Variants in CNBD1 observed in about 807,000 individuals in gnomAD.
The protein encoded by CNBD1 is cyclic nucleotide binding domain containing 1.
Under a neutral mutation model 54.4 loss-of-function variants are expected in CNBD1, and 71 were observed. The ratio of observed to expected loss-of-function variants is 1.30; its 90% CI spans 1.08 to 1.59. The LOEUF (loss-of-function observed/expected upper bound fraction) is 1.59, where lower values mean the gene tolerates loss of function less well. Among genes scored for constraint, CNBD1 ranks in the 40% most tolerant of loss-of-function variants. The pLI, the probability that CNBD1 is intolerant of heterozygous loss-of-function variation, is 0.00. For missense variants in CNBD1, 659 were observed against 518.0 expected, an observed-to-expected ratio of 1.27 and a Z score of -2.64; for synonymous variants, 182 against 170.7, an observed-to-expected ratio of 1.07 and a Z score of -0.51.
At chr8:87,416,084 A>G (rs577659234) in intron 2 of CNBD1, among the ~76,000 whole-genome samples, 5 of 152,146 alleles carry the variant, frequency 3.3e-5, no homozygotes, top group South Asian at 4.1e-4. Context: ...CAATACAACA[A>G]TGTTCTCAGA....
At chr8:87,138,240 A>G (rs559260806) in intron 4 of CNBD1, among the ~76,000 whole-genome samples, 1 of 152,214 alleles carries the variant, frequency 6.6e-6, no homozygotes, top group Admixed American at 6.5e-5. Context: ...CTACTATTAC[A>G]CTGAATATAG....
chr8:87,241,801 G>A (rs893042707), intron 6 of CNBD1, among the ~76,000 whole-genome samples: 2 of 151,950 alleles, frequency 1.3e-5, no homozygotes, highest in Non-Finnish European at 2.9e-5. Flanking sequence ...TGATCATTTT[G>A]GAAGCTATAA....
intron 4 of CNBD1, among the ~76,000 whole-genome samples, chr8:87,092,049 A>C (rs1324835478): frequency 6.6e-6 from 1 of 152,204 alleles, no homozygotes; most frequent in Non-Finnish European, 1.5e-5. Flanking sequence ...TATTTATTTC[A>C]TATTAATCTG....
At chr8:87,335,134 G>A (rs565026159) in intron 8 of CNBD1, among the ~76,000 whole-genome samples, 5 of 152,210 alleles carry the variant, frequency 3.3e-5, no homozygotes, top group Admixed American at 6.5e-5. Flanking sequence ...TTATGTGGTC[G>A]ATTTTAGAGT....
chr8:87,060,713 G>A (rs557732151), intron 4 of CNBD1, among the ~76,000 whole-genome samples: 94 of 152,018 alleles, frequency 6.2e-4, no homozygotes, highest in African/African-American at 2.2e-3. Context: ...TTTAAAAACC[G>A]ATCATCACAA....
intron 4 of CNBD1, among the ~76,000 whole-genome samples, chr8:86,953,113 A>G (rs1310138326): frequency 1.3e-5 from 2 of 152,204 alleles, no homozygotes; most frequent in Non-Finnish European, 2.9e-5. Flanking sequence ...TGAATATACC[A>G]TAGTTTATCT....
intron 4 of CNBD1, among the ~76,000 whole-genome samples, chr8:86,962,808 A>G (rs930277064): frequency 5.3e-5 from 8 of 151,792 alleles, no homozygotes; most frequent in African/African-American, 1.9e-4. Context: ...AAAAACAAAA[A>G]ACAAAACAGA....
chr8:86,999,150 C>A (rs887991595), intron 4 of CNBD1, among the ~76,000 whole-genome samples: 3 of 152,176 alleles, frequency 2.0e-5, no homozygotes, highest in African/African-American at 7.2e-5. Context: ...GGTTGACATT[C>A]ACGGCTTCTT....
At chr8:87,123,635 A>G (rs1430550512) in intron 4 of CNBD1, among the ~76,000 whole-genome samples, 3 of 151,726 alleles carry the variant, frequency 2.0e-5, no homozygotes, top group Non-Finnish European at 4.4e-5. Context: ...AACCAAGTCC[A>G]TAATTAGCAA....
At chr8:87,315,948 A>G (rs966416929) in intron 8 of CNBD1, among the ~76,000 whole-genome samples, 3 of 152,034 alleles carry the variant, frequency 2.0e-5, no homozygotes, top group East Asian at 1.9e-4. Context: ...TGCATGTATC[A>G]TAATATCACA....
intron 10 of CNBD1, among the ~76,000 whole-genome samples, chr8:87,357,818 C>T (rs1054793662): frequency 2.0e-5 from 3 of 152,146 alleles, no homozygotes; most frequent in African/African-American, 7.2e-5. Flanking sequence ...TGTCTGTCCC[C>T]TCCAAATCTC....
chr8:87,404,841 G>GTT (rs11424223), intron 2 of CNBD1, among the ~76,000 whole-genome samples: 1 of 151,896 alleles, frequency 6.6e-6, no homozygotes, highest in African/African-American at 2.4e-5. Flanking sequence ...AGGCAACAAT[G>GTT]TTTTGCAAAA....
At chr8:87,302,488 T>G (rs1216251626) in intron 8 of CNBD1, among the ~76,000 whole-genome samples, 1 of 151,902 alleles carries the variant, frequency 6.6e-6, no homozygotes, top group East Asian at 1.9e-4. Flanking sequence ...GGGACGTATC[T>G]CAAAATAATA....
At chr8:86,950,154 C>A (rs186024597) in intron 4 of CNBD1, among the ~76,000 whole-genome samples, 3 of 148,232 alleles carry the variant, frequency 2.0e-5, no homozygotes, top group Non-Finnish European at 3.0e-5. Flanking sequence ...CTCTGCCTCC[C>A]GGGTTTAAGC....
chr8:87,026,435 A>G (rs1809647719), intron 4 of CNBD1, among the ~76,000 whole-genome samples: 1 of 150,996 alleles, frequency 6.6e-6, no homozygotes, highest in East Asian at 1.9e-4. Flanking sequence ...ATTAAAAGTT[A>G]CTTTGAGGGA....
chr8:87,052,086 G>C (rs994305987), intron 4 of CNBD1, among the ~76,000 whole-genome samples: 1 of 152,160 alleles, frequency 6.6e-6, no homozygotes, highest in South Asian at 2.1e-4. Context: ...GTAACAATTT[G>C]CAGGCGTACC....
intron 5 of CNBD1, among the ~76,000 whole-genome samples, chr8:87,228,554 G>A (rs943433504): frequency 6.7e-6 from 1 of 149,994 alleles, no homozygotes; most frequent in Non-Finnish European, 1.5e-5. Flanking sequence ...AGGCTGCTCG[G>A]GGGTCAGGGG....
intron 4 of CNBD1, among the ~76,000 whole-genome samples, chr8:86,972,872 C>A (rs1427056905): frequency 6.6e-6 from 1 of 152,150 alleles, no homozygotes; most frequent in African/African-American, 2.4e-5. Flanking sequence ...TCTTCTGCAA[C>A]TGTAGCCCTC....
intron 4 of CNBD1, among the ~76,000 whole-genome samples, chr8:86,989,140 C>T (rs559361468): frequency 5.8e-4 from 88 of 152,092 alleles, no homozygotes; most frequent in Non-Finnish European, 1.0e-3. Flanking sequence ...GGCATGGTGA[C>T]GTGTGCCTGT....
Sources: allele counts gnomAD v4.1 joint callset (sites outside exome capture counted in the v4.1 genomes callset), GRCh38; gene constraint gnomAD v4.1.1; transcripts MANE v1.5; gene names NCBI Gene and HGNC (gene_info 2026-07-23, HGNC 2026-07-21).